STK33: variants seen among roughly 807,000 people sequenced by gnomAD.
STK33 encodes the protein serine/threonine kinase 33.
STK33 carries 52 observed loss-of-function variants against 58.0 expected under a neutral mutation model. That is an observed-to-expected ratio of 0.90 (90% CI 0.72 to 1.13). The LOEUF (loss-of-function observed/expected upper bound fraction) is 1.13, where lower values mean the gene tolerates loss of function less well. Ranked by LOEUF, STK33 falls within the 50% of genes most tolerant of loss-of-function variation. The pLI is 0.00. For missense variants in STK33, 630 were observed against 604.2 expected, an observed-to-expected ratio of 1.04 and a Z score of -0.45; for synonymous variants, 215 against 200.1, an observed-to-expected ratio of 1.07 and a Z score of -0.63.
intron 1 of STK33, among the ~76,000 whole-genome samples, chr11:8,553,047 T>C (rs1300193921): frequency 2.0e-5 from 3 of 149,874 alleles, no homozygotes; most frequent in Non-Finnish European, 3.0e-5. Context: ...TCCCAGATAC[T>C]CAGGAAGCTG....
intron 1 of STK33, among the ~76,000 whole-genome samples, chr11:8,554,691 TATGGAGATTCCTCAAAAAAACTA>T (rs1956608054): frequency 6.6e-6 from 1 of 152,092 alleles, no homozygotes; most frequent in African/African-American, 2.4e-5. Context: ...TAAAAAACGG[TATGGAGATTCCTCAAAAAAACTA>T]AAAACATCAC....
intron 11 of STK33, among the ~76,000 whole-genome samples, chr11:8,448,353 G>A (rs1945793278): frequency 6.6e-6 from 1 of 152,108 alleles, no homozygotes. Flanking sequence ...GAACAAAGCT[G>A]GAGGCATCAC....
chr11:8,347,535 ACTGT>A, the STK33 span, among the ~76,000 whole-genome samples: 1 of 152,248 alleles, frequency 6.6e-6, no homozygotes, highest in African/African-American at 2.4e-5. Context: ...GGAAGCAGCC[ACTGT>A]CTGGAGCATT....
chr11:8,452,694 G>T (rs941747890), intron 11 of STK33, 128 bp downstream of exon 11: 25 of 716,356 alleles, frequency 3.5e-5, no homozygotes, highest in South Asian at 3.0e-4. Flanking sequence ...AGGCTGAGGT[G>T]GGGGGATGGC....
At position 8,407,011 on chromosome 11, in the gene STK33, A is replaced by G. The variant is rs530153771; in HGVS notation, c.1344+6484T>C. 2.3e-4 allele frequency among the ~76,000 whole-genome samples: 35 copies of G among 151,974 alleles called. 2 individuals carry two copies. In the South Asian group the frequency reaches 6.6e-3, roughly 29 times the overall value. The stretch of plus-strand genomic sequence containing the variant: ...TTTTTGTAAAATCTCTTATTATGTA[A>G]AAGAAGTTCCCTTTTATTCCTAGTC... On this transcript the variant is annotated intron_variant, in intron 15 of 15. Transcript: ENST00000687296.
At chr11:8,509,116 C>CAA (rs1161851155) in intron 1 of STK33, among the ~76,000 whole-genome samples, 730 of 41,926 alleles carry the variant, frequency 0.017, 16 homozygotes, top group African/African-American at 0.027. Flanking sequence ...AACTCTGTCT[C>CAA]AAAAAAAAAA....
intron 9 of STK33, among the ~76,000 whole-genome samples, chr11:8,455,625 G>A (rs1210846442): frequency 1.3e-5 from 2 of 150,496 alleles, no homozygotes; most frequent in African/African-American, 2.4e-5. Flanking sequence ...TGGCTAACAC[G>A]TTGAAACCCC....
At chr11:8,487,911 C>G (rs1950301664) in intron 1 of STK33, among the ~76,000 whole-genome samples, 2 of 152,180 alleles carry the variant, frequency 1.3e-5, no homozygotes, top group African/African-American at 4.8e-5. Flanking sequence ...GAATGAATAT[C>G]AGTAAGAACA....
intron 1 of STK33, among the ~76,000 whole-genome samples, chr11:8,553,172 A>ATATATATATATATATATATATATATGG (rs1956433578): frequency 2.2e-5 from 1 of 45,206 alleles, no homozygotes; most frequent in African/African-American, 1.3e-4. Context: ...AATAAAATAT[A>ATATATATATATATATATATATATATGG]TATATATATA....
At chr11:8,424,915 T>C (rs1402958584) in intron 14 of STK33, among the ~76,000 whole-genome samples, 2 of 135,062 alleles carry the variant, frequency 1.5e-5, no homozygotes, top group African/African-American at 5.9e-5. Flanking sequence ...ATTGCAAAAA[T>C]TTTCTCCCAT....
At chr11:8,399,455 C>T (rs1165271649) in intron 15 of STK33, among the ~76,000 whole-genome samples, 6 of 152,110 alleles carry the variant, frequency 3.9e-5, no homozygotes, top group Admixed American at 2.0e-4. Context: ...ATCTCTGGGA[C>T]GCATTCAAAG....
intron 1 of STK33, among the ~76,000 whole-genome samples, chr11:8,528,168 C>G (rs1954215927): frequency 6.6e-6 from 1 of 152,182 alleles, no homozygotes; most frequent in Admixed American, 6.6e-5. Flanking sequence ...GAGTCAGGAG[C>G]ATGAGACTTC....
intron 1 of STK33, among the ~76,000 whole-genome samples, chr11:8,491,088 T>C (rs1477427978): frequency 2.0e-5 from 3 of 152,096 alleles, no homozygotes; most frequent in Admixed American, 1.3e-4. Flanking sequence ...GGACAGACAA[T>C]GATTTTGACA....
At chr11:8,376,840 G>A in the STK33 span, among the ~76,000 whole-genome samples, 6 of 152,126 alleles carry the variant, frequency 3.9e-5, no homozygotes, top group Admixed American at 6.5e-5. Context: ...ATGCCCGGCC[G>A]ATTCTGCATT....
At chr11:8,497,039 TACTC>T in intron 1 of STK33, among the ~76,000 whole-genome samples, 1 of 152,290 alleles carries the variant, frequency 6.6e-6, no homozygotes, top group South Asian at 2.1e-4. Context: ...ATATTATTGA[TACTC>T]ATTATAATAA....
chr11:8,482,293 A>T (rs1949868483), intron 1 of STK33, among the ~76,000 whole-genome samples: 1 of 152,220 alleles, frequency 6.6e-6, no homozygotes, highest in Non-Finnish European at 1.5e-5. Context: ...AAGAAAAGGC[A>T]CTTAATGGCA....
intron 1 of STK33, among the ~76,000 whole-genome samples, chr11:8,519,378 A>T (rs1277996049): frequency 1.3e-5 from 2 of 152,238 alleles, no homozygotes; most frequent in Non-Finnish European, 1.5e-5. Flanking sequence ...AAATGCCCAC[A>T]AGAGAAAGCA....
chr11:8,427,429 C>T (rs184667201), intron 14 of STK33, among the ~76,000 whole-genome samples: 1 of 152,084 alleles, frequency 6.6e-6, no homozygotes, highest in African/African-American at 2.4e-5. Context: ...TTCATTACGT[C>T]TATTTGTCAG....
At chr11:8,516,254 CATAT>C (rs1198916437) in intron 1 of STK33, among the ~76,000 whole-genome samples, 1 of 152,152 alleles carries the variant, frequency 6.6e-6, no homozygotes, top group African/African-American at 2.4e-5. Context: ...TAAACCCATG[CATAT>C]ATAGTCAACT....
Sources: allele counts gnomAD v4.1 joint callset (sites outside exome capture counted in the v4.1 genomes callset), GRCh38; gene constraint gnomAD v4.1.1; transcripts MANE v1.5; gene names NCBI Gene and HGNC (gene_info 2026-07-23, HGNC 2026-07-21).